Variants in UBE2E1 observed in about 807,000 individuals in gnomAD.
UBE2E1 encodes the protein ubiquitin conjugating enzyme E2 E1.
A neutral mutation model predicts 21.4 loss-of-function variants in UBE2E1; 6 were observed. The ratio of observed to expected loss-of-function variants is 0.28; its 90% CI spans 0.15 to 0.55. The LOEUF (loss-of-function observed/expected upper bound fraction) is 0.55, where lower values mean the gene tolerates loss of function less well. Ranked by LOEUF, UBE2E1 falls within the 20% of genes least tolerant of loss-of-function variation. The pLI is 0.93. For missense variants in UBE2E1, 142 were observed against 236.5 expected, an observed-to-expected ratio of 0.60 and a Z score of 2.62; for synonymous variants, 87 against 82.7, an observed-to-expected ratio of 1.05 and a Z score of -0.28.
rs1575793140 is a variant in UBE2E1, at chr3:23,806,173, C to CGCCGCCGGG, written c.-34+95_-34+103dup. 2 of 146,918 alleles carry CGCCGCCGGG rather than the reference C, an allele frequency of 1.4e-5. No homozygotes were observed. Among genetic ancestry groups the CGCCGCCGGG allele is most frequent in the Non-Finnish European group, 1.5e-5 (1 of 66,046 alleles). 9.1% of individuals were successfully genotyped at this position (146,918 alleles called of 1,614,324 possible). A position where few individuals can be genotyped will look rare whatever the true frequency, so the allele number is the denominator to read the frequency against. ...ACCCCTCGCCGCCTCCCCCGACTCG[C>CGCCGCCGGG]GCCGCCGGGGCCGCCGGGCCGCAGG... On this transcript the variant is annotated intron_variant, in intron 1 of 5. Coordinates refer to ENST00000306627, the MANE Select transcript of UBE2E1 (RefSeq NM_003341.5). The surrounding 1 kb of genome is among the most constrained non-coding windows in gnomAD (Gnocchi z 6.5).
intron 3 of UBE2E1, among the ~76,000 whole-genome samples, chr3:23,857,158 T>C (rs1452291269): frequency 1.3e-5 from 2 of 151,960 alleles, no homozygotes; most frequent in Non-Finnish European, 2.9e-5. Flanking sequence ...AGGAGAAGCA[T>C]CAGGAAATTG....
chr3:23,878,367 T>A (rs1700963286), intron 3 of UBE2E1, among the ~76,000 whole-genome samples: 1 of 152,210 alleles, frequency 6.6e-6, no homozygotes, highest in Admixed American at 6.5e-5. Flanking sequence ...CATCATTTCT[T>A]TTTCTGTTGC....
intron 3 of UBE2E1, among the ~76,000 whole-genome samples, chr3:23,872,948 C>G (rs1357020465): frequency 1.3e-5 from 2 of 151,634 alleles, no homozygotes; most frequent in African/African-American, 4.8e-5. Flanking sequence ...ACCTGGGAGG[C>G]AGAGGTTGCA....
chr3:23,845,784 A>G (rs1340851727), intron 3 of UBE2E1, among the ~76,000 whole-genome samples: 1 of 152,194 alleles, frequency 6.6e-6, no homozygotes, highest in Non-Finnish European at 1.5e-5. Context: ...AAAAGCAGCC[A>G]TATACAATTC....
rs77864105 is a variant in UBE2E1 at position 23,819,890 on chromosome 3, A to G, written c.203+8380A>G. Among the ~76,000 whole-genome samples, 105 of 152,360 alleles carry G rather than the reference A, an allele frequency of 6.9e-4. No homozygotes were observed. The East Asian group carries it at 7.9e-3, about 11-fold the overall frequency. On this transcript the variant is annotated intron_variant, in intron 3 of 5. Coordinates refer to ENST00000306627, the MANE Select transcript of UBE2E1 (RefSeq NM_003341.5). ...TGAGAAAAGATGTATTGGAGAAAAT[A>G]TAACACCTTTGAATTGCTTGTTTTG... is the stretch of plus-strand genomic sequence containing the variant.
rs908999344 is a variant in UBE2E1 at position 23,863,758 on chromosome 3, G to A, written c.204-23809G>A. On this transcript the variant is annotated intron_variant, in intron 3 of 5. Coordinates refer to ENST00000306627, the MANE Select transcript of UBE2E1 (RefSeq NM_003341.5). This position sits in a 1 kb window ranked among gnomAD's most constrained non-coding sequence, Gnocchi z 4.3. ...TTGGTCAGGCTGGTCTCAAACTCCCGATCTCAGGTCATCCACCCACCTCAG... is the reference window on the plus strand; with the variant it reads ...TTGGTCAGGCTGGTCTCAAACTCCCAATCTCAGGTCATCCACCCACCTCAG... 2.0e-5 allele frequency among the ~76,000 whole-genome samples: 3 copies of A among 152,040 alleles called. No individual in the cohort carries two copies. The highest frequency in any genetic ancestry group is 4.4e-5 in the Non-Finnish European group (3 of 68,018).
rs986648641 is a variant in UBE2E1 at position 23,811,744 on chromosome 3, A to G, written c.203+234A>G. ...TTATTTGGAGTGGATTTTTACATATATGAAACAAAACTAAAGTAAATTTAA... is the reference window on the plus strand; with the variant it reads ...TTATTTGGAGTGGATTTTTACATATGTGAAACAAAACTAAAGTAAATTTAA... On this transcript the variant is annotated intron_variant, in intron 3 of 5. Coordinates refer to ENST00000306627, the MANE Select transcript of UBE2E1 (RefSeq NM_003341.5). Among the ~76,000 whole-genome samples the G allele has an allele frequency of 1.2e-4, 19 of 152,230 alleles. 2 individuals carry two copies. Among genetic ancestry groups the G allele is most frequent in the African/African-American group, 2.4e-5 (1 of 41,454 alleles).
Position 23,891,527 on chromosome 3 carries a change from A to T in UBE2E1, c.*921A>T, listed in dbSNP as rs1701467192. The T allele has an allele frequency of 6.6e-6, 1 of 152,210 alleles. No homozygotes were observed. 9.4% of individuals were successfully genotyped at this position (152,210 alleles called of 1,614,324 possible). A position where few individuals can be genotyped will look rare whatever the true frequency, so the allele number is the denominator to read the frequency against. On this transcript the variant is annotated 3_prime_UTR_variant, in exon 6 of 6. Transcript: ENST00000306627. ...AATCTACCCCATTTAGGCTTCAAAG[A>T]CGAACCCTACTGCATCTTTTTAAAA...
At chr3:23,881,497 A>C (rs1388990058) in intron 3 of UBE2E1, among the ~76,000 whole-genome samples, 1 of 152,158 alleles carries the variant, frequency 6.6e-6, no homozygotes, top group African/African-American at 2.4e-5. Flanking sequence ...GTCTTCAAAC[A>C]CGGATAAGTG....
chr3:23,885,089 T>A (rs932420617), intron 3 of UBE2E1, among the ~76,000 whole-genome samples: 10 of 152,204 alleles, frequency 6.6e-5, no homozygotes, highest in Non-Finnish European at 1.5e-4. Context: ...AAATATGAGA[T>A]CAAGGTGCTG....
chr3:23,827,133 A>G (rs1403444524), intron 3 of UBE2E1, among the ~76,000 whole-genome samples: 1 of 152,178 alleles, frequency 6.6e-6, no homozygotes, highest in Non-Finnish European at 1.5e-5. Context: ...TTCAATGCAG[A>G]CATAACATGG....
At chr3:23,813,213 A>G (rs1699441084) in intron 3 of UBE2E1, among the ~76,000 whole-genome samples, 1 of 152,230 alleles carries the variant, frequency 6.6e-6, no homozygotes, top group Admixed American at 6.5e-5. Flanking sequence ...TCAAAGCTCA[A>G]AATACTAAAT....
chr3:23,890,806 A>G lies in UBE2E1; in HGVS notation c.*200A>G. On this transcript the variant is annotated 3_prime_UTR_variant, in exon 6 of 6. Coordinates refer to ENST00000306627, the MANE Select transcript of UBE2E1 (RefSeq NM_003341.5). ...ACAGAATTGGTAATAGCAACTTTTA[A>G]AATTGTCATTAGTTCTGCAATATTA... 4.5e-6 allele frequency: 2 copies of G among 443,918 alleles called. No individual in the cohort carries two copies. Among genetic ancestry groups the G allele is most frequent in the Non-Finnish European group, 7.9e-6 (2 of 254,690 alleles). The allele number at this position is 443,918 out of a possible 1,614,324, so 27.5% of individuals were successfully genotyped here. A position where few individuals can be genotyped will look rare whatever the true frequency, so the allele number is the denominator to read the frequency against.
In UBE2E1 at chr3:23,882,058, A is replaced by T. The variant is rs1389886010; in HGVS notation, c.204-5509A>T. Among the ~76,000 whole-genome samples the T allele has an allele frequency of 5.3e-5, 8 of 152,180 alleles. No homozygotes were observed. The East Asian group carries it at 1.3e-3, about 26-fold the overall frequency. On this transcript the variant is annotated intron_variant, in intron 3 of 5. Coordinates refer to ENST00000306627, the MANE Select transcript of UBE2E1 (RefSeq NM_003341.5). ...CAGCTCACAAAGGCAGTGCGGACCC[A>T]AAGAGTGAGCAGCAGCAAGATTTAT...
At chr3:23,861,047 C>T (rs767029797) in intron 3 of UBE2E1, among the ~76,000 whole-genome samples, 56 of 152,278 alleles carry the variant, frequency 3.7e-4, no homozygotes, top group Non-Finnish European at 7.4e-4. Flanking sequence ...TTAACAATAC[C>T]GCAGGGAGAC....
chr3:23,847,083 TTTGA>T (rs1344871294), intron 3 of UBE2E1, among the ~76,000 whole-genome samples: 2 of 152,202 alleles, frequency 1.3e-5, no homozygotes, highest in Admixed American at 6.5e-5. Flanking sequence ...TGGAATGGTC[TTTGA>T]TTGATGTTAT....
At chr3:23,889,376 T>G (rs772233218) in intron 5 of UBE2E1, 117 bp downstream of exon 5, 6 of 1,535,622 alleles carry the variant, frequency 3.9e-6, no homozygotes, top group Non-Finnish European at 4.4e-6. Flanking sequence ...ATACAAAAAC[T>G]AATCGGCTTT....
At chr3:23,852,797 G>T (rs980649204) in intron 3 of UBE2E1, among the ~76,000 whole-genome samples, 4 of 151,938 alleles carry the variant, frequency 2.6e-5, no homozygotes, top group African/African-American at 9.7e-5. Context: ...TAGAGCAGGG[G>T]TCTCACCATG....
chr3:23,831,268 C>G (rs1451144726), intron 3 of UBE2E1, among the ~76,000 whole-genome samples: 2 of 152,180 alleles, frequency 1.3e-5, no homozygotes, highest in African/African-American at 2.4e-5. Context: ...TGCTCTCACT[C>G]CAAGTGCGCT....
Sources: gnomAD v4.1 joint callset for allele counts (sites outside exome capture counted in the v4.1 genomes callset) on GRCh38, gnomAD v4.1.1 for gene constraint, Gnocchi (gnomAD v3.1) non-coding constraint, MANE v1.5 for transcripts, NCBI Gene and HGNC (gene_info 2026-07-23, HGNC 2026-07-21) for gene names.